The following SMIM28 variants were observed in gnomAD, a reference collection of about 807,000 sequenced individuals.
SMIM28 encodes small integral membrane protein 28.
chr6:138,382,983 G>A lies in SMIM28; in HGVS notation c.*136G>A. The A allele has an allele frequency of 5.0e-6, 2 of 396,272 alleles. No individual in the cohort carries two copies. Among genetic ancestry groups the A allele is most frequent in the Non-Finnish European group, 8.9e-6 (2 of 225,182 alleles). The allele number at this position is 396,272 out of a possible 1,614,324, so 24.5% of individuals were successfully genotyped here. A position where few individuals can be genotyped will look rare whatever the true frequency, so the allele number is the denominator to read the frequency against. On this transcript the variant is annotated 3_prime_UTR_variant, in exon 2 of 2. Coordinates refer to ENST00000573100, the MANE Select transcript of SMIM28 (RefSeq NM_001368163.3). ...TAGACCCAAGAAGCTGCTATTCATTGGCCAACCTCTGACAATGGGGCACTT... is the reference window on the plus strand; with the variant it reads ...TAGACCCAAGAAGCTGCTATTCATTAGCCAACCTCTGACAATGGGGCACTT...
chr6:138,382,336 G>T (rs1355577705), intron 1 of SMIM28, among the ~76,000 whole-genome samples, 164 bp from the exon 2 acceptor site: 2 of 148,034 alleles, frequency 1.4e-5, no homozygotes, highest in African/African-American at 5.0e-5. Context: ...GACAGAGGTT[G>T]CAGTGAGCCA....
rs1221880366 is a variant in SMIM28, at chr6:138,383,053, T to C, written c.*206T>C. 5.3e-6 allele frequency: 2 copies of C among 377,222 alleles called. No homozygotes were observed. The highest frequency in any genetic ancestry group is 2.1e-5 in the African/African-American group (1 of 48,290). 23.4% of individuals were successfully genotyped at this position (377,222 alleles called of 1,614,324 possible). On this transcript the variant is annotated 3_prime_UTR_variant, in exon 2 of 2. Coordinates refer to ENST00000573100, the MANE Select transcript of SMIM28 (RefSeq NM_001368163.3). Reference sequence around the variant, plus strand: ...GGCAAATGCCAATCTGGTTAACCTATCTTCACATTCCTTAGGGGAAAGTTT... The same window carrying C: ...GGCAAATGCCAATCTGGTTAACCTACCTTCACATTCCTTAGGGGAAAGTTT...
rs1346588116 is a variant in SMIM28, at chr6:138,378,155, G to A, written c.83G>A (p.Gly28Asp). The A allele has an allele frequency of 5.0e-6, 2 of 398,528 alleles. No individual in the cohort carries two copies. The highest frequency in any genetic ancestry group is 2.1e-5 in the African/African-American group (1 of 48,636). 24.7% of individuals were successfully genotyped at this position (398,528 alleles called of 1,614,324 possible). A position where few individuals can be genotyped will look rare whatever the true frequency, so the allele number is the denominator to read the frequency against. The change falls in exon 1 of 2, where the codon GGC (glycine) becomes GAC (aspartate). Residue 28 changes from glycine (G) to aspartate (D), a missense_variant. Physicochemically the swap from Gly to Asp is moderately conservative, Grantham distance 94 (BLOSUM62 -1). Transcript: ENST00000573100. ...TATGAGTGGTTAACCAGCGAGCCCG[G>A]CCTGCCTCTCCTGGAGACCCAGCTG... Reference protein sequence around the residue: ...GTYEWLTSEPGLPLLETQLQG... With the variant: ...GTYEWLTSEPDLPLLETQLQG...
At chr6:138,380,754 G>A (rs9495060) in intron 1 of SMIM28, among the ~76,000 whole-genome samples, 23,765 of 146,812 alleles carry the variant, frequency 0.16, 3,358 homozygotes, top group African/African-American at 0.39. Context: ...GCGACAGAGC[G>A]AGACCCCGTC....
chr6:138,381,429 C>T (rs560185031), intron 1 of SMIM28, among the ~76,000 whole-genome samples: 1 of 151,772 alleles, frequency 6.6e-6, no homozygotes, highest in Non-Finnish European at 1.5e-5. Context: ...TTTTTTTTAA[C>T]GTTGCTTTTC....
In SMIM28 at chr6:138,382,910, G is replaced by C. The variant is rs754200659; in HGVS notation, c.*63G>C. ...GCTCTTGGGAATCATACAAAACACAGCTCTCCACCTTTAATACAGCACCCA... is the reference window on the plus strand; with the variant it reads ...GCTCTTGGGAATCATACAAAACACACCTCTCCACCTTTAATACAGCACCCA... On this transcript the variant is annotated 3_prime_UTR_variant, in exon 2 of 2. Coordinates refer to ENST00000573100, the MANE Select transcript of SMIM28 (RefSeq NM_001368163.3). 2 of 398,302 alleles carry C rather than the reference G, an allele frequency of 5.0e-6. No homozygotes were observed. Among genetic ancestry groups the C allele is most frequent in the Non-Finnish European group, 8.8e-6 (2 of 226,070 alleles). The allele number at this position is 398,302 out of a possible 1,614,324, so 24.7% of individuals were successfully genotyped here.
chr6:138,379,853 T>A (rs1052660977), intron 1 of SMIM28, among the ~76,000 whole-genome samples: 1 of 152,304 alleles, frequency 6.6e-6, no homozygotes, highest in South Asian at 2.1e-4. Context: ...ATAATTCTGA[T>A]ATCAAATTAG....
chr6:138,380,543 G>A (rs1402737458), intron 1 of SMIM28, among the ~76,000 whole-genome samples: 3 of 152,088 alleles, frequency 2.0e-5, no homozygotes, highest in African/African-American at 4.8e-5. Context: ...TGAGGTGGGC[G>A]GATCATGAGG....
chr6:138,379,289 T>C (rs1774288980), intron 1 of SMIM28, among the ~76,000 whole-genome samples: 1 of 152,210 alleles, frequency 6.6e-6, no homozygotes, highest in African/African-American at 2.4e-5. Flanking sequence ...GTGGACAAAT[T>C]TAACTCAGCC....
Position 138,383,144 on chromosome 6 carries a change from A to T in SMIM28, c.*297A>T. ...ATAACACTCCTGAGAAAAAAAGGAAAGTTCTATGTGAGTTGAAAAAAAAAA... is the reference window on the plus strand; with the variant it reads ...ATAACACTCCTGAGAAAAAAAGGAATGTTCTATGTGAGTTGAAAAAAAAAA... On this transcript the variant is annotated 3_prime_UTR_variant, in exon 2 of 2. Coordinates refer to ENST00000573100, the MANE Select transcript of SMIM28 (RefSeq NM_001368163.3). 4.6e-6 allele frequency: 1 copy of T among 216,338 alleles called. No homozygotes were observed. The highest frequency in any genetic ancestry group is 9.0e-6 in the Non-Finnish European group (1 of 111,168). 13.4% of individuals were successfully genotyped at this position (216,338 alleles called of 1,614,324 possible).
At chr6:138,380,611 C>T (rs1774300000) in intron 1 of SMIM28, among the ~76,000 whole-genome samples, 1 of 151,838 alleles carries the variant, frequency 6.6e-6, no homozygotes, top group Non-Finnish European at 1.5e-5. Flanking sequence ...ACTAAAAATA[C>T]AAAAAATTAG....
At position 138,383,069 on chromosome 6, in the gene SMIM28, G is replaced by A. The variant is rs990822729; in HGVS notation, c.*222G>A. The A allele has an allele frequency of 1.4e-5, 5 of 362,646 alleles. No homozygotes were observed. Among genetic ancestry groups the A allele is most frequent in the South Asian group, 3.0e-4 (2 of 6,674 alleles). The allele number at this position is 362,646 out of a possible 1,614,324, so 22.5% of individuals were successfully genotyped here. A position where few individuals can be genotyped will look rare whatever the true frequency, so the allele number is the denominator to read the frequency against. On this transcript the variant is annotated 3_prime_UTR_variant, in exon 2 of 2. Transcript: ENST00000573100. The stretch of plus-strand genomic sequence containing the variant: ...GTTAACCTATCTTCACATTCCTTAG[G>A]GGAAAGTTTCCCAGGTTCTTCTAAA...
At chr6:138,379,385 A>G (rs767755935) in intron 1 of SMIM28, among the ~76,000 whole-genome samples, 1 of 152,230 alleles carries the variant, frequency 6.6e-6, no homozygotes, top group Non-Finnish European at 1.5e-5. Context: ...CTTAAGTAGC[A>G]TAATTATAAA....
Position 138,382,628 on chromosome 6 carries a change from G to A in SMIM28, c.240G>A (p.Pro80=), listed in dbSNP as rs751144149. ...TGTACCGCCGCTGCAAGTCCCCACC[G>A]CCCCAGGGGCAGGTGTTCAGCATTG... is the stretch of plus-strand genomic sequence containing the variant. ...LFLYRRCKSP[P]PQGQVFSIDL... The change falls in exon 2 of 2, where the codon CCG becomes CCA. Residue 80 remains proline (P), a synonymous_variant. Transcript: ENST00000573100. The A allele has an allele frequency of 7.0e-5, 28 of 398,440 alleles. No homozygotes were observed. Among genetic ancestry groups the A allele is most frequent in the Non-Finnish European group, 9.7e-5 (22 of 226,252 alleles). The allele number at this position is 398,440 out of a possible 1,614,324, so 24.7% of individuals were successfully genotyped here.
chr6:138,378,159 G>A lies in SMIM28; in HGVS notation c.87G>A (p.Leu29=). 2.5e-6 allele frequency: 1 copy of A among 398,684 alleles called. No homozygotes were observed. Among genetic ancestry groups the A allele is most frequent in the Non-Finnish European group, 4.4e-6 (1 of 226,098 alleles). The allele number at this position is 398,684 out of a possible 1,614,324, so 24.7% of individuals were successfully genotyped here. ...AGTGGTTAACCAGCGAGCCCGGCCT[G>A]CCTCTCCTGGAGACCCAGCTGCAGG... ...TYEWLTSEPG[L]PLLETQLQGT... The change falls in exon 1 of 2, where the codon CTG becomes CTA. Residue 29 remains leucine, a synonymous_variant. Transcript: ENST00000573100.
At position 138,382,853 on chromosome 6, in the gene SMIM28, G is replaced by A. The variant is rs1774332139; in HGVS notation, c.*6G>A. The A allele has an allele frequency of 2.5e-6, 1 of 398,552 alleles. No homozygotes were observed. Among genetic ancestry groups the A allele is most frequent in the African/African-American group, 2.1e-5 (1 of 48,598 alleles). 24.7% of individuals were successfully genotyped at this position (398,552 alleles called of 1,614,324 possible). A position where few individuals can be genotyped will look rare whatever the true frequency, so the allele number is the denominator to read the frequency against. Reference sequence around the variant, plus strand: ...GATGCAGTCCTTCAGTATGAAAAGGGCTCACCTGGACTGGAAGAGCAAAAA... The same window carrying A: ...GATGCAGTCCTTCAGTATGAAAAGGACTCACCTGGACTGGAAGAGCAAAAA... On this transcript the variant is annotated 3_prime_UTR_variant, in exon 2 of 2. Coordinates refer to ENST00000573100, the MANE Select transcript of SMIM28 (RefSeq NM_001368163.3).
intron 1 of SMIM28, among the ~76,000 whole-genome samples, chr6:138,380,126 A>G (rs1490783506): frequency 6.6e-6 from 1 of 152,136 alleles, no homozygotes; most frequent in Non-Finnish European, 1.5e-5. Flanking sequence ...ACTTTAATTC[A>G]TTTACTTCTC....
At chr6:138,382,396 CAAAAAAA>C (rs59155652) in intron 1 of SMIM28, 97 bp from the exon 2 acceptor site, 24 of 147,520 alleles carry the variant, frequency 1.6e-4, no homozygotes, top group Non-Finnish European at 2.1e-4. Context: ...GACTGTGTCT[CAAAAAAA>C]AAAAAAAAAA....
At chr6:138,381,377 T>C (rs1439781356) in intron 1 of SMIM28, among the ~76,000 whole-genome samples, 1 of 152,206 alleles carries the variant, frequency 6.6e-6, no homozygotes, top group Non-Finnish European at 1.5e-5. Flanking sequence ...TATTTCTTAG[T>C]AGCCTTATTA....
Sources: gnomAD v4.1 joint callset for allele counts (sites outside exome capture counted in the v4.1 genomes callset) on GRCh38, gnomAD v4.1.1 for gene constraint, MANE v1.5 for transcripts, NCBI Gene and HGNC (gene_info 2026-07-23, HGNC 2026-07-21) for gene names.